SMOC2: variants seen among roughly 807,000 people sequenced by gnomAD.
SMOC2 encodes the protein SPARC related modular calcium binding 2.
A neutral mutation model predicts 61.4 loss-of-function variants in SMOC2; 39 were observed. That is an observed-to-expected ratio of 0.64 (90% CI 0.49 to 0.83). The LOEUF (loss-of-function observed/expected upper bound fraction) is 0.83, where lower values mean the gene tolerates loss of function less well. Ranked by LOEUF, SMOC2 falls within the 40% of genes least tolerant of loss-of-function variation. The probability of loss-of-function intolerance (pLI) is 0.00; values close to 1 mark genes in which losing one functional copy is unlikely to be tolerated. For missense variants in SMOC2, 556 were observed against 592.9 expected, an observed-to-expected ratio of 0.94 and a Z score of 0.65; for synonymous variants, 247 against 239.9, an observed-to-expected ratio of 1.03 and a Z score of -0.27.
intron 1 of SMOC2, among the ~76,000 whole-genome samples, chr6:168,509,078 G>A (rs1243917880): frequency 6.6e-6 from 1 of 152,146 alleles, no homozygotes; most frequent in Non-Finnish European, 1.5e-5. Flanking sequence ...GAAGTGGCAG[G>A]ACACTGGTGA....
intron 4 of SMOC2, among the ~76,000 whole-genome samples, chr6:168,530,984 A>G (rs1279666029): frequency 1.3e-5 from 2 of 152,136 alleles, no homozygotes; most frequent in African/African-American, 4.8e-5. Flanking sequence ...GCACTGATGA[A>G]AAGGTCCAGT....
rs531236542 is a variant in SMOC2, at chr6:168,638,502, G to C, written c.908-12179G>C. 5.3e-5 allele frequency among the ~76,000 whole-genome samples: 8 copies of C among 152,298 alleles called. No individual in the cohort carries two copies. The South Asian group carries it at 1.2e-3, about 24-fold the overall frequency. ...TGGTGGGAGGTGGGTTTTAGCCGCA[G>C]AGCTGCTGGAAGCGGGGTCTGGAGG... is the stretch of plus-strand genomic sequence containing the variant. On this transcript the variant is annotated intron_variant, in intron 9 of 12. Transcript: ENST00000356284.
At chr6:168,597,384 G>A (rs1189260560) in intron 7 of SMOC2, among the ~76,000 whole-genome samples, 1 of 152,190 alleles carries the variant, frequency 6.6e-6, no homozygotes, top group Admixed American at 6.5e-5. Context: ...TTTATTGAGT[G>A]CCTATTACAA....
rs9456199 is a variant in SMOC2 at position 168,568,060 on chromosome 6, T to C, written c.637+18857T>C. Among the ~76,000 whole-genome samples, 864 of 130,194 alleles carry C rather than the reference T, an allele frequency of 6.6e-3. 30 individuals carry two copies. Among genetic ancestry groups the C allele is most frequent in the African/African-American group, 0.023 (698 of 30,812 alleles). The allele number at this position is 130,194 out of a possible 152,430, so 85.4% of individuals were successfully genotyped here. On this transcript the variant is annotated intron_variant, in intron 7 of 12. Transcript: ENST00000356284. ...CAGATGAGCAGCCACAGGCGAAGAC[T>C]GGATGGTGTGAGTCGGTGTCTCATA...
chr6:168,495,636 C>G (rs576819739), intron 1 of SMOC2, among the ~76,000 whole-genome samples: 1 of 152,100 alleles, frequency 6.6e-6, no homozygotes, highest in Non-Finnish European at 1.5e-5. Context: ...TGGGGAGCAG[C>G]GCTTCGCAAA....
At chr6:168,467,102 C>T (rs965506894) in intron 1 of SMOC2, among the ~76,000 whole-genome samples, 3 of 149,476 alleles carry the variant, frequency 2.0e-5, no homozygotes, top group South Asian at 2.1e-4. Context: ...GTCCAGACTG[C>T]AGTGGGAGTG....
chr6:168,580,486 A>T (rs937970087), intron 7 of SMOC2, among the ~76,000 whole-genome samples: 9 of 152,208 alleles, frequency 5.9e-5, no homozygotes, highest in African/African-American at 2.2e-4. Flanking sequence ...CTTGAGGAAG[A>T]CAGCAACTTT....
chr6:168,621,476 A>G (rs961352817), intron 9 of SMOC2, among the ~76,000 whole-genome samples: 2 of 152,118 alleles, frequency 1.3e-5, no homozygotes, highest in African/African-American at 4.8e-5. Flanking sequence ...TTTATTTACA[A>G]TTTTGCTCTG....
At chr6:168,522,401 A>G (rs1350955003) in intron 2 of SMOC2, among the ~76,000 whole-genome samples, 1 of 152,240 alleles carries the variant, frequency 6.6e-6, no homozygotes, top group Non-Finnish European at 1.5e-5. Context: ...TTACATCTGC[A>G]TGTCTATAAC....
intron 2 of SMOC2, among the ~76,000 whole-genome samples, chr6:168,523,709 A>G (rs887949006): frequency 1.3e-5 from 2 of 152,120 alleles, no homozygotes; most frequent in Admixed American, 1.3e-4. Context: ...GTCATACAGT[A>G]ATTTAAAAAA....
intron 7 of SMOC2, among the ~76,000 whole-genome samples, chr6:168,581,860 C>G (rs1174463983): frequency 6.6e-6 from 1 of 152,178 alleles, no homozygotes; most frequent in East Asian, 1.9e-4. Flanking sequence ...GGGGCCTGCA[C>G]TCAGCCGCCT....
At chr6:168,630,839 T>A (rs1786548009) in intron 9 of SMOC2, among the ~76,000 whole-genome samples, 1 of 152,194 alleles carries the variant, frequency 6.6e-6, no homozygotes, top group African/African-American at 2.4e-5. Flanking sequence ...GACTCCAGTC[T>A]CCTATAGTGC....
At chr6:168,624,377 C>T (rs1280086489) in intron 9 of SMOC2, among the ~76,000 whole-genome samples, 1 of 152,228 alleles carries the variant, frequency 6.6e-6, no homozygotes, top group Non-Finnish European at 1.5e-5. Context: ...GCTAGAGAAA[C>T]ATTCTGTACA....
At chr6:168,589,954 G>T (rs1384315760) in intron 7 of SMOC2, among the ~76,000 whole-genome samples, 3 of 51,324 alleles carry the variant, frequency 5.8e-5, no homozygotes, top group African/African-American at 2.4e-4. Context: ...CGGTCTGGTG[G>T]TGGTCAGGTG....
intron 2 of SMOC2, among the ~76,000 whole-genome samples, chr6:168,512,413 C>T (rs1413330191): frequency 6.6e-6 from 1 of 152,094 alleles, no homozygotes; most frequent in Non-Finnish European, 1.5e-5. Flanking sequence ...GAAGCCCTGG[C>T]GTGCTTTAGA....
At chr6:168,532,185 C>T (rs1437662870) in intron 4 of SMOC2, among the ~76,000 whole-genome samples, 1 of 151,814 alleles carries the variant, frequency 6.6e-6, no homozygotes, top group Admixed American at 6.6e-5. Flanking sequence ...TGTATGCACT[C>T]CTCAGGGCCC....
intron 10 of SMOC2, among the ~76,000 whole-genome samples, chr6:168,652,730 C>A (rs1315418171): frequency 6.6e-6 from 1 of 152,180 alleles, no homozygotes; most frequent in Non-Finnish European, 1.5e-5. Context: ...GGCACAAATT[C>A]ACTGCATCAT....
intron 9 of SMOC2, among the ~76,000 whole-genome samples, chr6:168,612,364 CA>C (rs1462813161): frequency 8.2e-6 from 1 of 121,328 alleles, no homozygotes; most frequent in Non-Finnish European, 1.7e-5. Flanking sequence ...AACCTTTACT[CA>C]AACAGCAGCA....
intron 8 of SMOC2, among the ~76,000 whole-genome samples, chr6:168,605,293 G>A (rs1220316573): frequency 6.6e-6 from 1 of 152,162 alleles, no homozygotes; most frequent in African/African-American, 2.4e-5. Flanking sequence ...CCCAGAGCGT[G>A]TCTTTCAGTG....
Sources: gnomAD v4.1 joint callset for allele counts (sites outside exome capture counted in the v4.1 genomes callset) on GRCh38, gnomAD v4.1.1 for gene constraint, MANE v1.5 for transcripts, NCBI Gene and HGNC (gene_info 2026-07-23, HGNC 2026-07-21) for gene names.